Variants in BMPR1B observed in about 807,000 individuals in gnomAD.
BMPR1B encodes the protein bone morphogenetic protein receptor type-1B.
BMPR1B carries 12 observed loss-of-function variants against 59.1 expected under a neutral mutation model. That is an observed-to-expected ratio of 0.20 (90% CI 0.13 to 0.33). BMPR1B has a LOEUF of 0.33. Among genes scored for constraint, BMPR1B ranks in the 10% least tolerant of loss-of-function variants. The probability of loss-of-function intolerance (pLI) is 1.00; values close to 1 mark genes in which losing one functional copy is unlikely to be tolerated. For synonymous variants in BMPR1B, 237 were observed against 207.3 expected (o/e 1.14, Z -1.23); for missense variants, 550 against 610.9 (o/e 0.90, Z 1.05).
chr4:95,151,372 G>C (rs1342833022), intron 11 of BMPR1B, among the ~76,000 whole-genome samples: 1 of 152,254 alleles, frequency 6.6e-6, no homozygotes, highest in East Asian at 1.9e-4. Flanking sequence ...AAAGAGATGT[G>C]GGCTTTGCCT....
At chr4:94,947,318 G>T (rs1270441737) in intron 2 of BMPR1B, among the ~76,000 whole-genome samples, 1 of 152,134 alleles carries the variant, frequency 6.6e-6, no homozygotes. Flanking sequence ...TATTAGATTG[G>T]CTTAACACCC....
At chr4:95,106,208 C>T (rs1216569621) in intron 4 of BMPR1B, among the ~76,000 whole-genome samples, 2 of 151,950 alleles carry the variant, frequency 1.3e-5, no homozygotes, top group Non-Finnish European at 2.9e-5. Context: ...TGACTGTGAC[C>T]TGGTGGGCTA....
chr4:94,939,399 C>T (rs1252820324), intron 2 of BMPR1B, among the ~76,000 whole-genome samples: 1 of 152,068 alleles, frequency 6.6e-6, no homozygotes, highest in African/African-American at 2.4e-5. Flanking sequence ...TAGTTCTTGA[C>T]AGTGTGGGGT....
At chr4:94,904,765 A>C (rs1727975142) in intron 2 of BMPR1B, among the ~76,000 whole-genome samples, 1 of 151,990 alleles carries the variant, frequency 6.6e-6, no homozygotes, top group Non-Finnish European at 1.5e-5. Flanking sequence ...TTTTGAACCT[A>C]CTCACTTTTT....
In BMPR1B at chr4:95,154,688, T is replaced by C. The variant is rs1735285811; in HGVS notation, c.*15T>C. The stretch of plus-strand genomic sequence containing the variant: ...TTAAACTCTGATAGGAGAGGAAAAG[T>C]AAGCATCTCTGCAGAAAGCCAACAG... On this transcript the variant is annotated 3_prime_UTR_variant, in exon 13 of 13. Transcript: ENST00000515059. The C allele has an allele frequency of 6.2e-7, 1 of 1,613,780 alleles. No individual in the cohort carries two copies. Among genetic ancestry groups the C allele is most frequent in the Admixed American group, 1.7e-5 (1 of 59,986 alleles).
intron 1 of BMPR1B, among the ~76,000 whole-genome samples, chr4:94,771,644 T>C (rs893214704): frequency 3.9e-5 from 6 of 152,210 alleles, no homozygotes; most frequent in Non-Finnish European, 8.8e-5. Flanking sequence ...ATCTCCCTTA[T>C]TCTACCCTTT....
chr4:94,885,341 G>A (rs1211007774), intron 2 of BMPR1B, among the ~76,000 whole-genome samples: 1 of 152,164 alleles, frequency 6.6e-6, no homozygotes, highest in East Asian at 1.9e-4. Context: ...TGAAGATGTT[G>A]CTTCTTTATT....
intron 3 of BMPR1B, among the ~76,000 whole-genome samples, chr4:95,048,627 G>T (rs1490161828): frequency 6.6e-6 from 1 of 152,028 alleles, no homozygotes; most frequent in African/African-American, 2.4e-5. Context: ...CCTGTTGTTT[G>T]CCCACTTTTT....
At chr4:94,897,225 C>G (rs1319278074) in intron 2 of BMPR1B, among the ~76,000 whole-genome samples, 1 of 151,992 alleles carries the variant, frequency 6.6e-6, no homozygotes, top group Non-Finnish European at 1.5e-5. Context: ...GGCTTCTGTC[C>G]CAGCTCTTCC....
At chr4:95,117,808 T>C (rs1021417017) in intron 6 of BMPR1B, among the ~76,000 whole-genome samples, 2 of 151,784 alleles carry the variant, frequency 1.3e-5, no homozygotes, top group Non-Finnish European at 2.9e-5. Context: ...TTTAAATAAA[T>C]AAGAAAAGAG....
intron 1 of BMPR1B, among the ~76,000 whole-genome samples, chr4:94,866,862 G>A (rs1460233806): frequency 3.3e-5 from 5 of 152,120 alleles, no homozygotes; most frequent in African/African-American, 1.2e-4. Flanking sequence ...GATTACAGGC[G>A]TGAGCCACTG....
chr4:94,927,456 A>G (rs1728933877), intron 2 of BMPR1B, among the ~76,000 whole-genome samples: 1 of 152,146 alleles, frequency 6.6e-6, no homozygotes, highest in African/African-American at 2.4e-5. Context: ...GGGAAAGTAA[A>G]ATCATCATGA....
chr4:95,035,220 C>G (rs142051475), intron 3 of BMPR1B, among the ~76,000 whole-genome samples: 4 of 152,260 alleles, frequency 2.6e-5, no homozygotes, highest in African/African-American at 9.6e-5. Flanking sequence ...TTCTCCCACA[C>G]TGTGGGATAT....
At position 95,157,341 on chromosome 4, in the gene BMPR1B, C is replaced by T. The variant is rs981461971; in HGVS notation, c.*2668C>T. On this transcript the variant is annotated 3_prime_UTR_variant, in exon 13 of 13. Coordinates refer to ENST00000515059, the MANE Select transcript of BMPR1B (RefSeq NM_001203.3). ...ACCAAAATCCACTTTACTTAGATAA[C>T]ACTAAATTGTTCTTAAAGACTACTC... is the stretch of plus-strand genomic sequence containing the variant. The T allele has an allele frequency of 6.6e-6, 1 of 152,028 alleles. No individual in the cohort carries two copies. Among genetic ancestry groups the T allele is most frequent in the Non-Finnish European group, 1.5e-5 (1 of 67,960 alleles). 9.4% of individuals were successfully genotyped at this position (152,028 alleles called of 1,614,324 possible).
At chr4:94,779,400 A>G (rs1436866987) in intron 1 of BMPR1B, among the ~76,000 whole-genome samples, 6 of 152,180 alleles carry the variant, frequency 3.9e-5, no homozygotes, top group African/African-American at 1.4e-4. Flanking sequence ...GTAATATTAC[A>G]TTGCCTTAAC....
At chr4:94,854,016 A>G (rs1342540189) in intron 1 of BMPR1B, among the ~76,000 whole-genome samples, 1 of 152,118 alleles carries the variant, frequency 6.6e-6, no homozygotes, top group Admixed American at 6.6e-5. Flanking sequence ...CTCTTATTGC[A>G]AATTAAACTT....
At chr4:95,033,303 T>C (rs545710667) in intron 3 of BMPR1B, among the ~76,000 whole-genome samples, 1 of 137,970 alleles carries the variant, frequency 7.2e-6, no homozygotes, top group East Asian at 2.0e-4. Context: ...GTCCAGTTTA[T>C]CTTTTTTTTT....
At chr4:94,952,351 T>G (rs926317835) in intron 2 of BMPR1B, among the ~76,000 whole-genome samples, 14 of 152,170 alleles carry the variant, frequency 9.2e-5, no homozygotes, top group African/African-American at 3.4e-4. Flanking sequence ...ATTGTGATGT[T>G]AGGGTTTTGA....
intron 3 of BMPR1B, among the ~76,000 whole-genome samples, chr4:95,092,712 C>T (rs1730080579): frequency 6.6e-6 from 1 of 151,998 alleles, no homozygotes; most frequent in Admixed American, 6.6e-5. Flanking sequence ...AAATGTTTTC[C>T]AGGTTTTTTC....
Sources: allele counts gnomAD v4.1 joint callset (sites outside exome capture counted in the v4.1 genomes callset), GRCh38; gene constraint gnomAD v4.1.1; transcripts MANE v1.5; gene names NCBI Gene and HGNC (gene_info 2026-07-23, HGNC 2026-07-21).